ARHGEF3: variants seen among roughly 807,000 people sequenced by gnomAD.
ARHGEF3 encodes the protein 59.8 kDA protein.
ARHGEF3 carries 28 observed loss-of-function variants against 63.2 expected under a neutral mutation model. The ratio of observed to expected loss-of-function variants is 0.44; its 90% CI spans 0.33 to 0.61. ARHGEF3 has a LOEUF of 0.61. Among genes scored for constraint, ARHGEF3 ranks in the 20% least tolerant of loss-of-function variants. The probability of loss-of-function intolerance (pLI) is 0.03; values close to 1 mark genes in which losing one functional copy is unlikely to be tolerated. For missense variants in ARHGEF3, 533 were observed against 659.3 expected (o/e 0.81, Z 2.10); for synonymous variants, 266 against 254.2 (o/e 1.05, Z -0.44).
At chr3:57,020,332 G>C (rs147206546) in intron 2 of ARHGEF3, among the ~76,000 whole-genome samples, 293 of 152,306 alleles carry the variant, frequency 1.9e-3, no homozygotes, top group Non-Finnish European at 3.7e-3. Context: ...GGACAGTGAA[G>C]ACCACAAAGG....
intron 2 of ARHGEF3, among the ~76,000 whole-genome samples, chr3:56,965,430 C>T (rs759221034): frequency 1.4e-4 from 22 of 152,180 alleles, no homozygotes; most frequent in Admixed American, 7.9e-4. Flanking sequence ...GAGAAAATGT[C>T]AGCCCCAGAC....
intron 4 of ARHGEF3, among the ~76,000 whole-genome samples, chr3:56,871,260 A>C (rs1401406027): frequency 6.6e-6 from 1 of 152,148 alleles, no homozygotes; most frequent in Non-Finnish European, 1.5e-5. Flanking sequence ...CAGTAAATGA[A>C]AGATATGACA....
chr3:56,867,481 TTA>T lies in ARHGEF3; in HGVS notation c.192+14809_192+14810del, dbSNP rs558940471. 2.8e-3 allele frequency among the ~76,000 whole-genome samples: 425 copies of T among 151,748 alleles called. 1 individual carries two copies. Among genetic ancestry groups the T allele is most frequent in the African/African-American group, 9.8e-3 (405 of 41,152 alleles). On this transcript the variant is annotated intron_variant, in intron 4 of 12. Coordinates refer to the ARHGEF3 transcript ENST00000338458. ...GCTATTTATTTATTTATTTATTTATTTATTTTTTTGAGACAAGGTCTTGCTCT... is the reference window on the plus strand; with the variant it reads ...GCTATTTATTTATTTATTTATTTATTTTTTTTTGAGACAAGGTCTTGCTCT...
intron 9 of ARHGEF3, 75 bp from the exon 10 acceptor site, chr3:56,729,697 G>C: frequency 8.1e-7 from 1 of 1,235,298 alleles, no homozygotes; most frequent in Non-Finnish European, 1.1e-6. Flanking sequence ...CACACGTAGT[G>C]ACACTAAACC....
chr3:56,758,679 T>C lies in ARHGEF3; in HGVS notation c.205-3528A>G, dbSNP rs144973597. 1.3e-3 allele frequency among the ~76,000 whole-genome samples: 198 copies of C among 152,298 alleles called. 1 individual carries two copies. The Middle Eastern group carries it at 0.027, about 21-fold the overall frequency. ...TTGCACCAAATACACAGTTCACTAA[T>C]GGTATCTTACAAATCCTTGTGATCT... On this transcript the variant is annotated intron_variant, in intron 2 of 9. Transcript: ENST00000296315.
intron 4 of ARHGEF3, among the ~76,000 whole-genome samples, chr3:56,849,996 T>C (rs571496439): frequency 6.6e-6 from 1 of 152,274 alleles, no homozygotes; most frequent in African/African-American, 2.4e-5. Flanking sequence ...AACTAAGTTG[T>C]TTTATGCATT....
intron 2 of ARHGEF3, among the ~76,000 whole-genome samples, chr3:57,014,754 C>G (rs1391826883): frequency 6.6e-6 from 1 of 151,038 alleles, no homozygotes; most frequent in Non-Finnish European, 1.5e-5. Flanking sequence ...GATGTCAGCT[C>G]ACCACAAGCT....
chr3:56,736,965 C>T (rs1271377284), intron 8 of ARHGEF3, among the ~76,000 whole-genome samples: 1 of 152,010 alleles, frequency 6.6e-6, no homozygotes, highest in Admixed American at 6.6e-5. Context: ...CATGGTGGTG[C>T]GTGCCTGCAG....
At chr3:56,796,652 G>A (rs2107946199) in intron 1 of ARHGEF3, among the ~76,000 whole-genome samples, 2 of 152,302 alleles carry the variant, frequency 1.3e-5, no homozygotes, top group Non-Finnish European at 2.9e-5. Flanking sequence ...AATTTTTTGG[G>A]CAGGTGGGTT....
intron 4 of ARHGEF3, among the ~76,000 whole-genome samples, chr3:56,874,659 G>A (rs946068351): frequency 6.6e-6 from 1 of 152,140 alleles, no homozygotes; most frequent in Non-Finnish European, 1.5e-5. Context: ...ATGGAAATTT[G>A]GGGATGCCTG....
rs77492209 is a variant in ARHGEF3 at position 56,852,071 on chromosome 3, C to A, written c.192+30221G>T. 1.2e-3 allele frequency among the ~76,000 whole-genome samples: 185 copies of A among 152,254 alleles called. 4 individuals are homozygous for A. The East Asian group carries it at 0.029, about 24-fold the overall frequency. ...ACCCTTACCCTGGAAGGGGTGGTCACCCCTGAGGACCTGTGAGTCTTCCTC... is the reference window on the plus strand; with the variant it reads ...ACCCTTACCCTGGAAGGGGTGGTCAACCCTGAGGACCTGTGAGTCTTCCTC... On this transcript the variant is annotated intron_variant, in intron 4 of 12. Transcript: ENST00000338458.
At chr3:56,827,264 A>T (rs2038756219) in intron 4 of ARHGEF3, among the ~76,000 whole-genome samples, 2 of 152,228 alleles carry the variant, frequency 1.3e-5, no homozygotes, top group Admixed American at 1.3e-4. Context: ...AAGACTTCCT[A>T]GAAATCAAGA....
upstream of ARHGEF3, among the ~76,000 whole-genome samples, chr3:56,803,910 G>A (rs1345953561): frequency 3.3e-5 from 5 of 150,730 alleles, no homozygotes; most frequent in African/African-American, 1.2e-4. Context: ...TTTGAGATAG[G>A]GTCTTGCTTT....
At chr3:56,882,367 C>T (rs957647370) in intron 3 of ARHGEF3, 30 of 1,550,480 alleles carry the variant, frequency 1.9e-5, no homozygotes, top group East Asian at 4.9e-5. Context: ...GCAAAACAAA[C>T]GAAAAAACAA....
chr3:57,070,696 C>T (rs1294207190), intron 1 of ARHGEF3, among the ~76,000 whole-genome samples: 2 of 152,112 alleles, frequency 1.3e-5, no homozygotes, highest in African/African-American at 2.4e-5. Context: ...CAGTGGCTAA[C>T]ACCTATAATC....
intron 4 of ARHGEF3, among the ~76,000 whole-genome samples, chr3:56,835,396 G>A (rs200310948): frequency 6.6e-6 from 1 of 151,808 alleles, no homozygotes; most frequent in African/African-American, 2.4e-5. Flanking sequence ...AGCTGGTCTC[G>A]AACTCCTGAC....
chr3:56,753,452 C>T, intron 4 of ARHGEF3, 52 bp downstream of exon 4: 1 of 1,544,504 alleles, frequency 6.5e-7, no homozygotes, highest in South Asian at 1.1e-5. Flanking sequence ...TGTGAAATTA[C>T]TCAAGAAAAA....
chr3:56,750,010 G>A (rs1262271249), intron 6 of ARHGEF3, among the ~76,000 whole-genome samples: 2 of 151,878 alleles, frequency 1.3e-5, no homozygotes, highest in Non-Finnish European at 2.9e-5. Context: ...AGCAACAGTA[G>A]GATTTATAAC....
chr3:57,014,055 CT>C (rs2107120057), intron 2 of ARHGEF3, among the ~76,000 whole-genome samples: 1 of 152,284 alleles, frequency 6.6e-6, no homozygotes, highest in African/African-American at 2.4e-5. Context: ...AGGTCTGGAG[CT>C]TCACTCTTAA....
Sources: gnomAD v4.1 joint callset for allele counts (sites outside exome capture counted in the v4.1 genomes callset) on GRCh38, gnomAD v4.1.1 for gene constraint, MANE v1.5 for transcripts, NCBI Gene and HGNC (gene_info 2026-07-23, HGNC 2026-07-21) for gene names.